CCSER1: variants seen among roughly 807,000 people sequenced by gnomAD.
CCSER1 encodes the protein coiled-coil serine rich protein 1, also known as serine-rich coiled-coil domain-containing protein 1.
Under a neutral mutation model 82.0 loss-of-function variants are expected in CCSER1, and 41 were observed. That is an observed-to-expected ratio of 0.50 (90% CI 0.39 to 0.65). CCSER1 has a LOEUF of 0.65. CCSER1 is among the 30% of genes least tolerant of loss of function. The pLI is 0.00. For synonymous variants in CCSER1, 414 were observed against 383.9 expected (o/e 1.08, Z -0.92); for missense variants, 1,119 against 1,064.2 (o/e 1.05, Z -0.72).
chr4:90,324,326 C>T (rs1462049106), intron 3 of CCSER1, among the ~76,000 whole-genome samples: 1 of 150,570 alleles, frequency 6.6e-6, no homozygotes, highest in Non-Finnish European at 1.5e-5. Flanking sequence ...TCCTCTCCAG[C>T]ACCTGTTGTT....
chr4:90,689,613 C>T (rs536207266), intron 6 of CCSER1, among the ~76,000 whole-genome samples: 6 of 152,050 alleles, frequency 3.9e-5, no homozygotes, highest in South Asian at 2.1e-4. Context: ...CAAGCAGTGG[C>T]GTAGATTGGA....
intron 5 of CCSER1, among the ~76,000 whole-genome samples, chr4:90,547,362 CAA>C (rs1776897306): frequency 6.6e-6 from 1 of 151,930 alleles, no homozygotes; most frequent in South Asian, 2.1e-4. Flanking sequence ...CATTTTTAAA[CAA>C]AGTGTCTATT....
Position 90,533,864 on chromosome 4 carries a change from A to G in CCSER1, c.1724+65510A>G, listed in dbSNP as rs180949944. ...GACATTCATTTATTGAGTATCTATTACATTACAGGTACTTGACAAAATGTG... is the reference window on the plus strand; with the variant it reads ...GACATTCATTTATTGAGTATCTATTGCATTACAGGTACTTGACAAAATGTG... On this transcript the variant is annotated intron_variant, in intron 5 of 10. Coordinates refer to ENST00000509176, the MANE Select transcript of CCSER1 (RefSeq NM_001145065.2). 3.7e-4 allele frequency among the ~76,000 whole-genome samples: 56 copies of G among 152,306 alleles called. No individual in the cohort carries two copies. In the East Asian group the frequency reaches 8.1e-3, roughly 22 times the overall value.
At chr4:90,608,141 A>C (rs1784975584) in intron 5 of CCSER1, among the ~76,000 whole-genome samples, 1 of 152,212 alleles carries the variant, frequency 6.6e-6, no homozygotes, top group Non-Finnish European at 1.5e-5. Context: ...AAAGAAATTT[A>C]AGGTATTTAG....
chr4:90,374,727 A>AT (rs1376580533), intron 3 of CCSER1, among the ~76,000 whole-genome samples: 3 of 151,972 alleles, frequency 2.0e-5, no homozygotes, highest in Non-Finnish European at 2.9e-5. Flanking sequence ...TGCTGATGGT[A>AT]TTTTTTCAGA....
intron 7 of CCSER1, among the ~76,000 whole-genome samples, chr4:90,793,283 G>T (rs191890903): frequency 4.6e-5 from 7 of 151,972 alleles, no homozygotes; most frequent in African/African-American, 1.5e-4. Context: ...TGTCACCCAG[G>T]TATTAAGCCT....
At chr4:90,283,300 ATATTCAAGTTAAG>A (rs1398411324) in intron 1 of CCSER1, among the ~76,000 whole-genome samples, 1 of 151,890 alleles carries the variant, frequency 6.6e-6, no homozygotes, top group African/African-American at 2.4e-5. Flanking sequence ...AGAATTTATA[ATATTCAAGTTAAG>A]TATATTTTAT....
At chr4:91,334,446 C>T (rs200429960) in intron 10 of CCSER1, among the ~76,000 whole-genome samples, 1 of 151,960 alleles carries the variant, frequency 6.6e-6, no homozygotes, top group East Asian at 1.9e-4. Context: ...TACTATGTGT[C>T]AATGTTTGAC....
chr4:90,774,639 A>G (rs994613606), intron 7 of CCSER1, among the ~76,000 whole-genome samples: 2 of 152,116 alleles, frequency 1.3e-5, no homozygotes, highest in Admixed American at 1.3e-4. Flanking sequence ...TGTCATGTCC[A>G]TCTTTTTAAT....
At chr4:91,227,575 T>C (rs573929374) in intron 10 of CCSER1, among the ~76,000 whole-genome samples, 1 of 151,922 alleles carries the variant, frequency 6.6e-6, no homozygotes, top group Admixed American at 6.6e-5. Flanking sequence ...TACCCAAGTA[T>C]ATTGCATAAT....
At chr4:91,101,633 C>CAAA (rs33926247) in intron 10 of CCSER1, among the ~76,000 whole-genome samples, 1,576 of 146,608 alleles carry the variant, frequency 0.011, 17 homozygotes, top group Middle Eastern at 0.029. Flanking sequence ...GACTCCGTCT[C>CAAA]AAAAAAAAAA....
At chr4:90,448,445 AT>A (rs1553914339) in intron 4 of CCSER1, among the ~76,000 whole-genome samples, 3 of 8,588 alleles carry the variant, frequency 3.5e-4, no homozygotes, top group Admixed American at 3.2e-3. Context: ...GGTGAATTGA[AT>A]ATATATATAT....
intron 8 of CCSER1, among the ~76,000 whole-genome samples, chr4:90,877,308 G>A (rs1767337472): frequency 6.6e-6 from 1 of 152,054 alleles, no homozygotes; most frequent in African/African-American, 2.4e-5. Flanking sequence ...ACTCTCTTGT[G>A]TACCAGTATT....
At chr4:91,089,645 A>G (rs1723745238) in intron 10 of CCSER1, among the ~76,000 whole-genome samples, 1 of 152,178 alleles carries the variant, frequency 6.6e-6, no homozygotes, top group African/African-American at 2.4e-5. Flanking sequence ...GAAGCTTTTT[A>G]TCATTTGAAG....
intron 5 of CCSER1, among the ~76,000 whole-genome samples, chr4:90,623,975 A>G (rs1278014997): frequency 6.6e-6 from 1 of 152,180 alleles, no homozygotes; most frequent in Non-Finnish European, 1.5e-5. Context: ...TTTTAAAATG[A>G]AGTTGAAACA....
chr4:90,984,647 G>T (rs1736422824), intron 9 of CCSER1, among the ~76,000 whole-genome samples: 1 of 151,700 alleles, frequency 6.6e-6, no homozygotes, highest in South Asian at 2.1e-4. Flanking sequence ...TAATGGAGTG[G>T]TGTCAAATTA....
intron 10 of CCSER1, among the ~76,000 whole-genome samples, chr4:91,266,343 C>G (rs1167035488): frequency 6.6e-6 from 1 of 151,866 alleles, no homozygotes; most frequent in African/African-American, 2.4e-5. Flanking sequence ...AGCTCCGCCT[C>G]CTGGGTTCAC....
In CCSER1 at chr4:91,369,626, C is replaced by T. The variant is rs116456681; in HGVS notation, c.2218-228946C>T. Among the ~76,000 whole-genome samples the T allele has an allele frequency of 6.1e-3, 849 of 140,250 alleles. 11 individuals are homozygous for T. Among genetic ancestry groups the T allele is most frequent in the African/African-American group, 0.02 (795 of 39,038 alleles). The allele number at this position is 140,250 out of a possible 152,430, so 92.0% of individuals were successfully genotyped here. On this transcript the variant is annotated intron_variant, in intron 10 of 10. Coordinates refer to ENST00000509176, the MANE Select transcript of CCSER1 (RefSeq NM_001145065.2). ...ATCAATTAGACAAACCCTTCAAATA[C>T]ATTAACAAGGTCCCAGGTCCAAATT...
chr4:91,205,566 T>C (rs1019367648), intron 10 of CCSER1, among the ~76,000 whole-genome samples: 2 of 151,632 alleles, frequency 1.3e-5, no homozygotes, highest in Non-Finnish European at 3.0e-5. Flanking sequence ...AAATTTTCAC[T>C]AATACTTTTC....
Sources: gnomAD v4.1 joint callset for allele counts (sites outside exome capture counted in the v4.1 genomes callset) on GRCh38, gnomAD v4.1.1 for gene constraint, MANE v1.5 for transcripts, NCBI Gene and HGNC (gene_info 2026-07-23, HGNC 2026-07-21) for gene names.